Variants in KIAA2012 observed in about 807,000 individuals in gnomAD.
KIAA2012 encodes KIAA2012, also known as uncharacterized protein KIAA2012.
Under a neutral mutation model 150.6 loss-of-function variants are expected in KIAA2012, and 125 were observed. That is an observed-to-expected ratio of 0.83 (90% confidence interval 0.72 to 0.96). The LOEUF (loss-of-function observed/expected upper bound fraction) is 0.96, where lower values mean the gene tolerates loss of function less well. Among genes scored for constraint, KIAA2012 ranks in the 40% least tolerant of loss-of-function variants. The pLI, the probability that KIAA2012 is intolerant of heterozygous loss-of-function variation, is 0.00. For missense variants in KIAA2012, 1,219 were observed against 1,354.9 expected (o/e 0.90, Z 1.57); for synonymous variants, 462 against 504.7 (o/e 0.92, Z 1.13).
chr2:202,184,397 A>G (rs937580340), intron 15 of KIAA2012, among the ~76,000 whole-genome samples: 5 of 152,060 alleles, frequency 3.3e-5, no homozygotes. Flanking sequence ...AAAAAAAAAA[A>G]AAAGTAATGT....
intron 18 of KIAA2012, 120 bp downstream of exon 18, chr2:202,188,386 T>C: frequency 1.4e-6 from 1 of 734,340 alleles, no homozygotes; most frequent in Non-Finnish European, 2.2e-6. Context: ...ACTTCTTGAC[T>C]ACTACAGCCA....
intron 5 of KIAA2012, among the ~76,000 whole-genome samples, 178 bp downstream of exon 5, chr2:202,097,755 A>G (rs2105919467): frequency 6.6e-6 from 1 of 152,056 alleles, no homozygotes; most frequent in East Asian, 1.9e-4. Context: ...AGGCCTGGCT[A>G]ATTTTTTGTA....
chr2:202,088,296 G>A (rs1417989558), intron 2 of KIAA2012, among the ~76,000 whole-genome samples: 1 of 152,142 alleles, frequency 6.6e-6, no homozygotes, highest in Non-Finnish European at 1.5e-5. Flanking sequence ...TAAGTGTTGG[G>A]CAGTTAGCAT....
At chr2:202,131,298 C>G (rs917907131) in intron 12 of KIAA2012, among the ~76,000 whole-genome samples, 1 of 152,176 alleles carries the variant, frequency 6.6e-6, no homozygotes, top group Non-Finnish European at 1.5e-5. Context: ...CGCCACCACA[C>G]CTGGCTAATT....
chr2:202,088,616 C>A (rs1234928108), intron 2 of KIAA2012, among the ~76,000 whole-genome samples: 3 of 152,190 alleles, frequency 2.0e-5, no homozygotes, highest in Non-Finnish European at 4.4e-5. Context: ...TGCACCCTCT[C>A]ACCTTACCAT....
intron 15 of KIAA2012, among the ~76,000 whole-genome samples, chr2:202,182,867 T>TA (rs1692150060): frequency 6.6e-6 from 1 of 152,218 alleles, no homozygotes; most frequent in South Asian, 2.1e-4. Context: ...TTCTAGTAGT[T>TA]ATGAGTTGAC....
chr2:202,143,075 A>ATTT (rs59488285), intron 13 of KIAA2012, among the ~76,000 whole-genome samples: 13 of 124,988 alleles, frequency 1.0e-4, no homozygotes, highest in East Asian at 2.2e-4. Context: ...CACTGGTTTA[A>ATTT]TTTTTTTTTT....
chr2:202,117,777 A>G (rs138566638), intron 11 of KIAA2012, among the ~76,000 whole-genome samples: 98 of 152,348 alleles, frequency 6.4e-4, no homozygotes, highest in African/African-American at 2.3e-3. Context: ...CCAGTGGACC[A>G]AAGTTAAGCA....
At chr2:202,110,502 TC>T (rs1690318383) in intron 10 of KIAA2012, among the ~76,000 whole-genome samples, 1 of 152,238 alleles carries the variant, frequency 6.6e-6, no homozygotes, top group Non-Finnish European at 1.5e-5. Context: ...GAATATGTGG[TC>T]CAGGCAGCTG....
chr2:202,196,015 GCTCAT>G (rs1692406443), intron 21 of KIAA2012, among the ~76,000 whole-genome samples: 1 of 151,954 alleles, frequency 6.6e-6, no homozygotes, highest in Admixed American at 6.6e-5. Flanking sequence ...TCCTCAACAT[GCTCAT>G]CTCCTCTCCT....
At chr2:202,157,218 C>T (rs1406775455) in intron 14 of KIAA2012, among the ~76,000 whole-genome samples, 5 of 152,228 alleles carry the variant, frequency 3.3e-5, no homozygotes, top group Non-Finnish European at 5.9e-5. Context: ...GATAGACCTT[C>T]TCCTTATGGA....
chr2:202,074,891 G>A lies in KIAA2012; in HGVS notation c.85G>A (p.Asp29Asn), dbSNP rs868397374. 1 of 1,543,718 alleles carries A rather than the reference G, an allele frequency of 6.5e-7. No individual in the cohort carries two copies. Among genetic ancestry groups the A allele is most frequent in the South Asian group, 1.2e-5 (1 of 82,690 alleles). Reference protein sequence around the residue: ...QKLEVYFEPEDYLNWRSPEDY... With the variant: ...QKLEVYFEPENYLNWRSPEDY... ...TCAAAGTGGCTGCTTCTCATTGCAG[G>A]ATTACTTGAACTGGAGGTCCCCAGA... Residue 29 changes from aspartate to asparagine, a missense_variant and splice_region_variant, in exon 2 of 24, where the codon GAT becomes AAT. Asp to Asn is a conservative substitution (Grantham distance 23). Transcript: ENST00000498697.
chr2:202,114,737 G>A (rs1690470900), intron 11 of KIAA2012: 1 of 162,602 alleles, frequency 6.1e-6, no homozygotes, highest in Non-Finnish European at 1.5e-5. Context: ...TAAATTTTTT[G>A]AAAAATATTT....
At chr2:202,192,539 C>A (rs1203241013) in intron 19 of KIAA2012, among the ~76,000 whole-genome samples, 2 of 151,090 alleles carry the variant, frequency 1.3e-5, no homozygotes, top group Non-Finnish European at 2.9e-5. Flanking sequence ...CTCACCGCAA[C>A]CTCTGCCTCC....
intron 15 of KIAA2012, among the ~76,000 whole-genome samples, chr2:202,183,399 G>A (rs1358266170): frequency 5.7e-5 from 8 of 139,824 alleles, no homozygotes; most frequent in East Asian, 4.5e-4. Flanking sequence ...CAGCCGGGGC[G>A]ACAGAGCAAG....
rs755700228 is a variant in KIAA2012 at position 202,196,929 on chromosome 2, G to A, written c.3317G>A (p.Arg1106Gln). The change falls in exon 22 of 24, where the codon CGG (arginine) becomes CAG (glutamine). Residue 1106 changes from arginine to glutamine, a missense_variant. By Grantham distance (43) the Arg-to-Gln change is conservative. Coordinates refer to ENST00000498697, the MANE Select transcript of KIAA2012 (RefSeq NM_001277372.4). ...AAACAGGAAGCAGAAGAGAAGGCTC[G>A]GCTGGAGGCAGAGGAGAGGAGGCAA... is the stretch of plus-strand genomic sequence containing the variant. Reference protein sequence around the residue: ...RRKQEAEEKARLEAEERRQKE... With the variant: ...RRKQEAEEKAQLEAEERRQKE... The A allele has an allele frequency of 1.3e-6, 2 of 1,550,682 alleles. No individual in the cohort carries two copies. Among genetic ancestry groups the A allele is most frequent in the Non-Finnish European group, 1.7e-6 (2 of 1,147,002 alleles).
intron 2 of KIAA2012, among the ~76,000 whole-genome samples, chr2:202,088,085 G>T (rs1689619421): frequency 6.6e-6 from 1 of 151,778 alleles, no homozygotes; most frequent in Non-Finnish European, 1.5e-5. Context: ...GTAAAGTATA[G>T]GGAGGATGCA....
At chr2:202,101,040 T>A (rs1575011607) in intron 7 of KIAA2012, among the ~76,000 whole-genome samples, 1 of 152,154 alleles carries the variant, frequency 6.6e-6, no homozygotes, top group East Asian at 1.9e-4. Context: ...GGCCCCCGGA[T>A]GTTCTGCCCG....
intron 15 of KIAA2012, among the ~76,000 whole-genome samples, chr2:202,170,109 A>G (rs1691855248): frequency 6.6e-6 from 1 of 152,094 alleles, no homozygotes; most frequent in African/African-American, 2.4e-5. Flanking sequence ...AATCTCTTCT[A>G]CCACCCAGCC....
Sources: allele counts gnomAD v4.1 joint callset (sites outside exome capture counted in the v4.1 genomes callset), GRCh38; gene constraint gnomAD v4.1.1; transcripts MANE v1.5; gene names NCBI Gene and HGNC (gene_info 2026-07-23, HGNC 2026-07-21).